TDRD10: variants seen among roughly 807,000 people sequenced by gnomAD.
The protein encoded by TDRD10 is tudor domain containing 10, also known as tudor domain-containing protein 10.
Under a neutral mutation model 48.0 loss-of-function variants are expected in TDRD10, and 40 were observed. That is an observed-to-expected ratio of 0.83 (90% CI 0.65 to 1.09). The LOEUF is 1.09. Ranked by LOEUF, TDRD10 falls within the 50% of genes least tolerant of loss-of-function variation. The pLI is 0.00. For synonymous variants in TDRD10, 162 were observed against 170.4 expected (o/e 0.95, Z 0.38); for missense variants, 378 against 434.7 (o/e 0.87, Z 1.16).
At chr1:154,513,818 A>G (rs994612168) in intron 4 of TDRD10, among the ~76,000 whole-genome samples, 1 of 152,254 alleles carries the variant, frequency 6.6e-6, no homozygotes, top group Non-Finnish European at 1.5e-5. Context: ...TTGTCTATAG[A>G]ACAGCTGACC....
Position 154,508,404 on chromosome 1 carries a change from A to G in TDRD10, c.83-19A>G. On this transcript the variant is annotated intron_variant, in intron 3 of 12. Transcript: ENST00000368482. ...TAACCGTATGTATGCCTGCCATTTA[A>G]TGCTGTTTTTCTTCTTAGGATTCAA... is the stretch of plus-strand genomic sequence containing the variant. 7 of 1,573,168 alleles carry G rather than the reference A, an allele frequency of 4.4e-6. No individual in the cohort carries two copies. The highest frequency in any genetic ancestry group is 6.1e-6 in the Non-Finnish European group (7 of 1,142,800).
At chr1:154,519,472 G>A (rs1009443001) in intron 4 of TDRD10, among the ~76,000 whole-genome samples, 1 of 152,152 alleles carries the variant, frequency 6.6e-6, no homozygotes, top group Non-Finnish European at 1.5e-5. Flanking sequence ...GGGAAGCCAA[G>A]GAAGGAGGAA....
At chr1:154,532,718 T>G (rs1694702116) in intron 6 of TDRD10, among the ~76,000 whole-genome samples, 1 of 152,238 alleles carries the variant, frequency 6.6e-6, no homozygotes, top group African/African-American at 2.4e-5. Context: ...ATTTTCTTGT[T>G]ACGTTGCTAG....
chr1:154,512,006 G>C (rs1267153500), intron 4 of TDRD10, among the ~76,000 whole-genome samples: 2 of 150,570 alleles, frequency 1.3e-5, no homozygotes, highest in Non-Finnish European at 3.0e-5. Flanking sequence ...CTCCAGCCTG[G>C]GTGACAGAGT....
intron 11 of TDRD10, among the ~76,000 whole-genome samples, chr1:154,545,927 ATTTTT>A (rs559924225): frequency 3.5e-5 from 3 of 85,496 alleles, no homozygotes; most frequent in Admixed American, 1.3e-4. Flanking sequence ...CACCCAGCTA[ATTTTT>A]TTTTTTTTTT....
At position 154,542,697 on chromosome 1, in the gene TDRD10, TG is replaced by T. The variant is rs749464450; in HGVS notation, c.413-32del. The T allele has an allele frequency of 1.9e-6, 3 of 1,581,706 alleles. No homozygotes were observed. The East Asian group carries it at 6.7e-5, about 35-fold the overall frequency. ...GGAGCAATTCCTCTCTGGGTAGTTC[TG>T]GTGCCTCCAGGACTTAGTCTTCTGC... On this transcript the variant is annotated intron_variant, in intron 7 of 12. Transcript: ENST00000368482.
chr1:154,545,371 C>T (rs1172897081), intron 11 of TDRD10, among the ~76,000 whole-genome samples: 1 of 152,220 alleles, frequency 6.6e-6, no homozygotes, highest in Non-Finnish European at 1.5e-5. Context: ...GCACTTAGCA[C>T]TGCACTCTCC....
At chr1:154,543,272 C>G (rs183676592) in intron 8 of TDRD10, among the ~76,000 whole-genome samples, 1 of 152,154 alleles carries the variant, frequency 6.6e-6, no homozygotes, top group African/African-American at 2.4e-5. Context: ...GAGACTCCAT[C>G]TCAAAATAAA....
chr1:154,544,964 A>T lies in TDRD10; in HGVS notation c.952+15A>T. ...GCTGGAGAAAGGTGAGACATCTTCT[A>T]TCTTCCTCCCAAGGGTTTCAGGGAC... On this transcript the variant is annotated intron_variant, in intron 11 of 12. Transcript: ENST00000368482. The T allele has an allele frequency of 1.9e-6, 3 of 1,613,278 alleles. No individual in the cohort carries two copies. Among genetic ancestry groups the T allele is most frequent in the Non-Finnish European group, 2.5e-6 (3 of 1,179,664 alleles).
intron 7 of TDRD10, among the ~76,000 whole-genome samples, chr1:154,542,468 T>G (rs1570983476): frequency 6.6e-6 from 1 of 152,268 alleles, no homozygotes; most frequent in South Asian, 2.1e-4. Flanking sequence ...CCTTAAGTGA[T>G]CCTTCCACCT....
At chr1:154,510,358 T>C (rs1414294853) in intron 4 of TDRD10, among the ~76,000 whole-genome samples, 2 of 152,104 alleles carry the variant, frequency 1.3e-5, no homozygotes, top group Non-Finnish European at 2.9e-5. Context: ...TTTGGGAGGC[T>C]GAGGCGGGCA....
intron 4 of TDRD10, among the ~76,000 whole-genome samples, chr1:154,517,170 T>C (rs1205041457): frequency 6.6e-6 from 1 of 152,130 alleles, no homozygotes; most frequent in African/African-American, 2.4e-5. Context: ...GCATTGGGAA[T>C]GACCATGTCT....
chr1:154,529,993 C>T (rs1694522139), intron 6 of TDRD10, among the ~76,000 whole-genome samples: 1 of 152,114 alleles, frequency 6.6e-6, no homozygotes, highest in Non-Finnish European at 1.5e-5. Flanking sequence ...CCCTTCATTC[C>T]TAAAGAATAT....
intron 6 of TDRD10, among the ~76,000 whole-genome samples, chr1:154,534,922 C>T (rs1165495443): frequency 2.6e-5 from 4 of 152,134 alleles, no homozygotes; most frequent in African/African-American, 9.7e-5. Flanking sequence ...AGATACAAAG[C>T]AGCCAATGAG....
intron 6 of TDRD10, among the ~76,000 whole-genome samples, chr1:154,531,897 CAG>C (rs1205388063): frequency 3.9e-5 from 6 of 152,230 alleles, no homozygotes; most frequent in African/African-American, 2.4e-5. Flanking sequence ...TAGCTAGATA[CAG>C]AGTGTCGATT....
Position 154,547,907 on chromosome 1 carries a change from C to T in TDRD10, c.*197C>T. 1 of 632,702 alleles carries T rather than the reference C, an allele frequency of 1.6e-6. No homozygotes were observed. Among genetic ancestry groups the T allele is most frequent in the East Asian group, 2.7e-5 (1 of 36,392 alleles). The allele number at this position is 632,702 out of a possible 1,614,324, so 39.2% of individuals were successfully genotyped here. ...TGAAGTCTCATTTGTCATGTGTCTT[C>T]AGTTCCCCAACTTGGCATGAACATT... On this transcript the variant is annotated 3_prime_UTR_variant, in exon 13 of 13. Coordinates refer to ENST00000368482, the MANE Select transcript of TDRD10 (RefSeq NM_182499.4).
At chr1:154,521,566 C>T in intron 6 of TDRD10, 87 bp downstream of exon 6, 1 of 1,459,398 alleles carries the variant, frequency 6.9e-7, no homozygotes, top group Admixed American at 1.9e-5. Context: ...TTTCATCCTC[C>T]TCCAGTCCAG....
chr1:154,529,968 G>T (rs541791338), intron 6 of TDRD10, among the ~76,000 whole-genome samples: 1 of 152,162 alleles, frequency 6.6e-6, no homozygotes, highest in East Asian at 1.9e-4. Context: ...CTTCATCTGA[G>T]AATGTCTTAA....
chr1:154,546,419 A>T (rs1331981535), intron 11 of TDRD10, among the ~76,000 whole-genome samples: 1 of 147,058 alleles, frequency 6.8e-6, no homozygotes, highest in African/African-American at 2.5e-5. Flanking sequence ...TTTATATATT[A>T]CGTATATATT....
Sources: allele counts gnomAD v4.1 joint callset (sites outside exome capture counted in the v4.1 genomes callset), GRCh38; gene constraint gnomAD v4.1.1; transcripts MANE v1.5; gene names NCBI Gene and HGNC (gene_info 2026-07-23, HGNC 2026-07-21).